Variants in CDKL1 observed in about 807,000 individuals in gnomAD.
CDKL1 encodes cyclin dependent kinase like 1.
A neutral mutation model predicts 42.0 loss-of-function variants in CDKL1; 41 were observed. The ratio of observed to expected loss-of-function variants is 0.98; its 90% confidence interval spans 0.76 to 1.27. CDKL1 has a LOEUF of 1.27. Among genes scored for constraint, CDKL1 ranks in the 50% most tolerant of loss-of-function variants. The probability of loss-of-function intolerance (pLI) is 0.00; values close to 1 mark genes in which losing one functional copy is unlikely to be tolerated. For synonymous variants in CDKL1, 153 were observed against 158.6 expected, an observed-to-expected ratio of 0.96 and a Z score of 0.26; for missense variants, 394 against 428.4, an observed-to-expected ratio of 0.92 and a Z score of 0.71.
chr14:50,382,335 C>A (rs1214105659), intron 2 of CDKL1, among the ~76,000 whole-genome samples: 2 of 152,218 alleles, frequency 1.3e-5, no homozygotes, highest in East Asian at 3.9e-4. Context: ...CGCCTGTAGT[C>A]CCAGCCACTC....
At chr14:50,345,255 C>T (rs1281830589) in intron 3 of CDKL1, among the ~76,000 whole-genome samples, 197 bp from the exon 4 acceptor site, 2 of 152,180 alleles carry the variant, frequency 1.3e-5, no homozygotes, top group East Asian at 3.8e-4. Context: ...CTAGGGAGAA[C>T]AGGTTAACAA....
intron 2 of CDKL1, among the ~76,000 whole-genome samples, chr14:50,362,605 T>G (rs542123094): frequency 3.9e-4 from 60 of 152,212 alleles, no homozygotes; most frequent in African/African-American, 1.4e-3. Context: ...GCTCAGGGTT[T>G]GTGAATGCAC....
upstream of CDKL1, chr14:50,397,049 T>C (rs774834706): frequency 5.3e-6 from 7 of 1,312,292 alleles, no homozygotes; most frequent in East Asian, 3.7e-4. Context: ...CCATGGGAGC[T>C]GTCCTGACCG....
intron 3 of CDKL1, among the ~76,000 whole-genome samples, chr14:50,349,717 GTTCT>G (rs1450130429): frequency 7.1e-4 from 108 of 151,352 alleles, no homozygotes; most frequent in Admixed American, 4.1e-3. Flanking sequence ...ATGTTTTGAT[GTTCT>G]TTGTTCTTCT....
intron 2 of CDKL1, chr14:50,377,726 G>A (rs762543310): frequency 1.5e-5 from 19 of 1,274,130 alleles, no homozygotes; most frequent in Non-Finnish European, 1.7e-5. Flanking sequence ...AGCTTGCTTC[G>A]GCACTGCAGT....
intron 3 of CDKL1, among the ~76,000 whole-genome samples, chr14:50,350,558 C>T (rs1421895402): frequency 6.6e-6 from 1 of 152,112 alleles, no homozygotes; most frequent in Non-Finnish European, 1.5e-5. Context: ...CATATATATC[C>T]CCAGCTTTTC....
At chr14:50,373,883 TA>T (rs1838570417) in intron 2 of CDKL1, among the ~76,000 whole-genome samples, 1 of 152,182 alleles carries the variant, frequency 6.6e-6, no homozygotes, top group African/African-American at 2.4e-5. Context: ...CTTACAAAGC[TA>T]AACATATCTA....
At chr14:50,362,696 TG>T (rs1452614607) in intron 2 of CDKL1, among the ~76,000 whole-genome samples, 1 of 152,134 alleles carries the variant, frequency 6.6e-6, no homozygotes, top group Non-Finnish European at 1.5e-5. Flanking sequence ...GCTAATCTAG[TG>T]GGGACGTGGA....
intron 2 of CDKL1, among the ~76,000 whole-genome samples, chr14:50,391,060 C>G (rs1328972134): frequency 6.6e-6 from 1 of 152,204 alleles, no homozygotes; most frequent in African/African-American, 2.4e-5. Context: ...GTCTTGAACT[C>G]ATGGGCTCGA....
At position 50,376,032 on chromosome 14, in the gene CDKL1, A is replaced by G. The variant is rs116878234; in HGVS notation, c.169-16883T>C. ...GGAGGCTGCGGACACAGCCTCCTCT[A>G]AATGATTACTAAATGATTACTAAAT... is the stretch of plus-strand genomic sequence containing the variant. On this transcript the variant is annotated intron_variant, in intron 2 of 9. Transcript: ENST00000395834. 1.5e-3 allele frequency among the ~76,000 whole-genome samples: 225 copies of G among 152,096 alleles called. 4 individuals carry two copies. Among genetic ancestry groups the G allele is most frequent in the Non-Finnish European group, 3.0e-3 (203 of 67,930 alleles).
rs113623733 is a variant in CDKL1, at chr14:50,332,519, A to ACT, written c.796-89_796-88dup. 7,921 of 1,518,544 alleles carry ACT rather than the reference A, an allele frequency of 5.2e-3. 146 individuals carry two copies. The highest frequency in any genetic ancestry group is 0.051 in the African/African-American group (3,631 of 71,176). 94.1% of individuals were successfully genotyped at this position (1,518,544 alleles called of 1,614,324 possible). A position where few individuals can be genotyped will look rare whatever the true frequency, so the allele number is the denominator to read the frequency against. ...ATTTTTTTCTTCTTTGAAAGATGAA[A>ACT]CTTCAGTTGCAATAAGAAGGGGGAA... On this transcript the variant is annotated intron_variant, in intron 8 of 9. Coordinates refer to ENST00000395834, the MANE Select transcript of CDKL1 (RefSeq NM_004196.7).
At chr14:50,364,483 A>C (rs1293239389) in intron 2 of CDKL1, among the ~76,000 whole-genome samples, 1 of 152,198 alleles carries the variant, frequency 6.6e-6, no homozygotes, top group African/African-American at 2.4e-5. Context: ...TAAATAAATA[A>C]ATTTATTTTA....
intron 2 of CDKL1, among the ~76,000 whole-genome samples, chr14:50,385,070 CAA>C (rs55719234): frequency 4.9e-4 from 46 of 93,510 alleles, no homozygotes; most frequent in African/African-American, 6.7e-4. Flanking sequence ...GACTCTGTCT[CAA>C]AAAAAAAAAA....
At chr14:50,348,011 CT>C (rs1322050626) in intron 3 of CDKL1, among the ~76,000 whole-genome samples, 1 of 152,214 alleles carries the variant, frequency 6.6e-6, no homozygotes, top group Non-Finnish European at 1.5e-5. Context: ...ATTTTGTTCC[CT>C]CCTGAAACCT....
intron 2 of CDKL1, among the ~76,000 whole-genome samples, chr14:50,384,613 T>C (rs2035016368): frequency 6.6e-6 from 1 of 151,566 alleles, no homozygotes; most frequent in Non-Finnish European, 1.5e-5. Context: ...ACATATTGAA[T>C]TTTTAAAAAT....
At chr14:50,360,901 G>T (rs1328470442) in intron 2 of CDKL1, among the ~76,000 whole-genome samples, 14 of 150,326 alleles carry the variant, frequency 9.3e-5, no homozygotes, top group African/African-American at 2.4e-5. Context: ...GAATAATATC[G>T]CATTGTATGA....
intron 7 of CDKL1, chr14:50,335,703 G>C: frequency 6.8e-7 from 1 of 1,464,766 alleles, no homozygotes; most frequent in South Asian, 1.4e-5. Flanking sequence ...GCAGTGCATT[G>C]TGTGTATAAA....
chr14:50,380,805 T>TG (rs71118874), intron 2 of CDKL1, among the ~76,000 whole-genome samples: 4,507 of 147,688 alleles, frequency 0.031, 76 homozygotes, highest in Middle Eastern at 0.057. Context: ...TGACTTCCTT[T>TG]TTTTTTTGGG....
At chr14:50,349,081 C>G (rs1237411492) in intron 3 of CDKL1, among the ~76,000 whole-genome samples, 1 of 152,190 alleles carries the variant, frequency 6.6e-6, no homozygotes, top group African/African-American at 2.4e-5. Context: ...TCAAGACACA[C>G]TCATGAGTTT....
Sources: gnomAD v4.1 joint callset for allele counts (sites outside exome capture counted in the v4.1 genomes callset) on GRCh38, gnomAD v4.1.1 for gene constraint, MANE v1.5 for transcripts, NCBI Gene and HGNC (gene_info 2026-07-23, HGNC 2026-07-21) for gene names.